Variants in CDC5L observed in about 807,000 individuals in gnomAD.
The protein encoded by CDC5L is cell division cycle 5 like.
CDC5L carries 18 observed loss-of-function variants against 104.1 expected under a neutral mutation model. The observed-to-expected ratio is 0.17, with a 90% CI of 0.12 to 0.26. The LOEUF (loss-of-function observed/expected upper bound fraction) is 0.26. CDC5L is among the 10% of genes least tolerant of loss of function. The pLI, the probability that CDC5L is intolerant of heterozygous loss-of-function variation, is 1.00. For missense variants in CDC5L, 673 were observed against 956.9 expected (o/e 0.70, Z 3.91); for synonymous variants, 331 against 322.7 (o/e 1.03, Z -0.28).
chr6:44,403,398 CCTA>C (rs997650403), intron 5 of CDC5L, among the ~76,000 whole-genome samples: 2 of 146,254 alleles, frequency 1.4e-5, no homozygotes, highest in Admixed American at 6.8e-5. Context: ...AATATTTTTT[CCTA>C]CTATTTGCCT....
At chr6:44,416,358 A>G (rs1236035209) in intron 8 of CDC5L, among the ~76,000 whole-genome samples, 2 of 152,054 alleles carry the variant, frequency 1.3e-5, no homozygotes, top group Non-Finnish European at 2.9e-5. Flanking sequence ...CTTTGTCACT[A>G]CTGTTTCTGT....
At chr6:44,405,923 A>G (rs1442116624) in intron 6 of CDC5L, among the ~76,000 whole-genome samples, 3 of 147,256 alleles carry the variant, frequency 2.0e-5, no homozygotes, top group Admixed American at 6.8e-5. Context: ...TTTTTTTGAG[A>G]TGGAGTCTTT....
chr6:44,399,542 C>G (rs539126875), intron 5 of CDC5L, among the ~76,000 whole-genome samples: 1 of 152,236 alleles, frequency 6.6e-6, no homozygotes, highest in Non-Finnish European at 1.5e-5. Context: ...TTCTTTTTCT[C>G]TGTTTAGATT....
At chr6:44,407,975 C>T (rs923856448) in intron 7 of CDC5L, among the ~76,000 whole-genome samples, 1 of 152,156 alleles carries the variant, frequency 6.6e-6, no homozygotes, top group Non-Finnish European at 1.5e-5. Context: ...CAGTCTTCCT[C>T]CTCCAATTTT....
intron 14 of CDC5L, among the ~76,000 whole-genome samples, chr6:44,436,503 CAT>C: frequency 6.6e-6 from 1 of 152,080 alleles, no homozygotes; most frequent in East Asian, 1.9e-4. Context: ...TTTAATGTCT[CAT>C]TATATTTCAC....
Position 44,422,749 on chromosome 6 carries a change from A to G in CDC5L, c.1344A>G (p.Leu448=). The stretch of plus-strand genomic sequence containing the variant: ...GTAGAACTCCTCTTCGAGACAAGTT[A>G]AACATTAATCCCGAGGATGGAATGG... ...TPGRTPLRDK[L]NINPEDGMAD... is the part of the protein sequence containing the mutation. Residue 448 remains leucine, a synonymous_variant, in exon 10 of 16, where the codon TTA becomes TTG. Coordinates refer to ENST00000371477, the MANE Select transcript of CDC5L (RefSeq NM_001253.4). 6.2e-7 allele frequency: 1 copy of G among 1,612,872 alleles called. No individual in the cohort carries two copies. The highest frequency in any genetic ancestry group is 8.5e-7 in the Non-Finnish European group (1 of 1,179,000).
At chr6:44,421,536 G>A (rs2153380969) in intron 9 of CDC5L, among the ~76,000 whole-genome samples, 1 of 152,314 alleles carries the variant, frequency 6.6e-6, no homozygotes, top group East Asian at 1.9e-4. Flanking sequence ...CACTTCTTGA[G>A]AGTCTTGTAA....
At chr6:44,429,178 C>T (rs1381453065) in intron 13 of CDC5L, among the ~76,000 whole-genome samples, 4 of 152,034 alleles carry the variant, frequency 2.6e-5, no homozygotes, top group African/African-American at 7.2e-5. Context: ...TGTGCCACTA[C>T]GTCCTACTAA....
At chr6:44,428,666 A>G (rs751779570) in intron 13 of CDC5L, among the ~76,000 whole-genome samples, 13 of 152,188 alleles carry the variant, frequency 8.5e-5, no homozygotes, top group Admixed American at 1.3e-4. Flanking sequence ...AGCTGCTTCA[A>G]TGGTAAAGCT....
intron 2 of CDC5L, among the ~76,000 whole-genome samples, chr6:44,392,322 C>G (rs566403755): frequency 3.3e-5 from 5 of 152,280 alleles, no homozygotes; most frequent in African/African-American, 1.2e-4. Flanking sequence ...AAACTGGAAA[C>G]ACTGTAAGAA....
chr6:44,391,558 C>T (rs1315858370), intron 2 of CDC5L, among the ~76,000 whole-genome samples: 1 of 152,074 alleles, frequency 6.6e-6, no homozygotes, highest in Admixed American at 6.5e-5. Context: ...GGTGTCACCT[C>T]TTAAATCATA....
At chr6:44,414,081 T>G (rs1432522030) in intron 8 of CDC5L, among the ~76,000 whole-genome samples, 1 of 152,090 alleles carries the variant, frequency 6.6e-6, no homozygotes, top group Non-Finnish European at 1.5e-5. Flanking sequence ...TTTTATATCT[T>G]TGTTGTTGTT....
At chr6:44,423,810 A>G (rs959220163) in intron 10 of CDC5L, among the ~76,000 whole-genome samples, 3 of 152,200 alleles carry the variant, frequency 2.0e-5, no homozygotes, top group Admixed American at 6.5e-5. Context: ...TACAAATTCA[A>G]GTATCTTTTA....
intron 14 of CDC5L, among the ~76,000 whole-genome samples, chr6:44,439,099 A>G (rs1183390354): frequency 6.6e-6 from 1 of 152,220 alleles, no homozygotes; most frequent in Non-Finnish European, 1.5e-5. Context: ...ACATAAGTGG[A>G]ATCATGTAAT....
intron 14 of CDC5L, among the ~76,000 whole-genome samples, chr6:44,444,822 T>C (rs1177881475): frequency 6.6e-6 from 1 of 152,122 alleles, no homozygotes; most frequent in East Asian, 1.9e-4. Flanking sequence ...GCTGTGCAAA[T>C]TGAGGCATTT....
Position 44,414,430 on chromosome 6 carries a change from G to GTA in CDC5L, c.1093-5017_1093-5016dup, listed in dbSNP as rs1554159488. Among the ~76,000 whole-genome samples the GTA allele has an allele frequency of 2.5e-3, 356 of 141,116 alleles. 9 individuals are homozygous for GTA. Among genetic ancestry groups the GTA allele is most frequent in the African/African-American group, 4.2e-3 (155 of 36,606 alleles). The allele number at this position is 141,116 out of a possible 152,430, so 92.6% of individuals were successfully genotyped here. Reference sequence around the variant, plus strand: ...TGTGTGTGTGTGTGTGTGTGTGTGTGTATTTTTTTTTAGAAATAGCTATTC... The same window carrying GTA: ...TGTGTGTGTGTGTGTGTGTGTGTGTGTATATTTTTTTTTAGAAATAGCTATTC... On this transcript the variant is annotated intron_variant, in intron 8 of 15. Coordinates refer to ENST00000371477, the MANE Select transcript of CDC5L (RefSeq NM_001253.4).
chr6:44,405,125 A>C (rs1791308435), intron 6 of CDC5L, among the ~76,000 whole-genome samples: 1 of 152,190 alleles, frequency 6.6e-6, no homozygotes, highest in South Asian at 2.1e-4. Flanking sequence ...AGGGCATAGC[A>C]GATTTTCCCT....
chr6:44,387,725 G>C lies in CDC5L; in HGVS notation c.-99G>C, dbSNP rs1197937486. The C allele has an allele frequency of 9.4e-7, 1 of 1,068,136 alleles. No homozygotes were observed. The highest frequency in any genetic ancestry group is 1.4e-5 in the South Asian group (1 of 74,032). 66.2% of individuals were successfully genotyped at this position (1,068,136 alleles called of 1,614,324 possible). A position where few individuals can be genotyped will look rare whatever the true frequency, so the allele number is the denominator to read the frequency against. ...GCAGATCTTCAAAGCAGAAGGTCGC[G>C]CTTGGAGGAAGTGGCGGCTTTGAGT... On this transcript the variant is annotated 5_prime_UTR_variant, in exon 1 of 16. Transcript: ENST00000371477.
Position 44,429,677 on chromosome 6 carries a change from AG to A in CDC5L, c.1894-35del, listed in dbSNP as rs781536038. On this transcript the variant is annotated intron_variant, in intron 13 of 15. Coordinates refer to ENST00000371477, the MANE Select transcript of CDC5L (RefSeq NM_001253.4). ...CTCTCTGGATATGGCAAGTGTTTGT[AG>A]TACTTAAACTTATTGAAATTATTAT... is the stretch of plus-strand genomic sequence containing the variant. 2.8e-5 allele frequency: 44 copies of A among 1,562,388 alleles called. No individual in the cohort carries two copies. The African/African-American group carries it at 2.9e-4, about 10-fold the overall frequency.
Sources: gnomAD v4.1 joint callset for allele counts (sites outside exome capture counted in the v4.1 genomes callset) on GRCh38, gnomAD v4.1.1 for gene constraint, MANE v1.5 for transcripts, NCBI Gene and HGNC (gene_info 2026-07-23, HGNC 2026-07-21) for gene names.